The following NOP58 variants were observed in gnomAD, a reference collection of about 807,000 sequenced individuals.
NOP58 encodes nucleolar protein 58.
In NOP58, 44 loss-of-function variants were observed where a neutral mutation model predicts 71.2. The observed-to-expected ratio is 0.62, with a 90% CI of 0.49 to 0.79. The LOEUF (loss-of-function observed/expected upper bound fraction) is 0.79. Among genes scored for constraint, NOP58 ranks in the 30% least tolerant of loss-of-function variants. NOP58 has a pLI of 0.00. For missense variants in NOP58, 538 were observed against 620.2 expected, an observed-to-expected ratio of 0.87 and a Z score of 1.41; for synonymous variants, 228 against 200.3, an observed-to-expected ratio of 1.14 and a Z score of -1.17.
chr2:202,279,701 G>A (rs1455533686), intron 3 of NOP58, among the ~76,000 whole-genome samples: 1 of 152,146 alleles, frequency 6.6e-6, no homozygotes, highest in Non-Finnish European at 1.5e-5. Context: ...GGCTGAGGCA[G>A]GAGAAACACT....
intron 2 of NOP58, among the ~76,000 whole-genome samples, chr2:202,276,100 A>T (rs1233884446): frequency 6.6e-6 from 1 of 152,122 alleles, no homozygotes; most frequent in African/African-American, 2.4e-5. Flanking sequence ...GTACTTTGGG[A>T]TACCAAGGTG....
intron 1 of NOP58, among the ~76,000 whole-genome samples, chr2:202,269,240 C>T (rs960124463): frequency 6.7e-6 from 1 of 150,288 alleles, no homozygotes; most frequent in Admixed American, 6.6e-5. Flanking sequence ...GGTGTGATCT[C>T]GGCTCACTGC....
At chr2:202,268,378 T>C (rs1256613050) in intron 1 of NOP58, among the ~76,000 whole-genome samples, 1 of 151,342 alleles carries the variant, frequency 6.6e-6, no homozygotes, top group Non-Finnish European at 1.5e-5. Context: ...ACTAAAAAAA[T>C]AGAAAAATTA....
chr2:202,277,550 A>G (rs1574378732), intron 2 of NOP58, among the ~76,000 whole-genome samples: 1 of 151,966 alleles, frequency 6.6e-6, no homozygotes, highest in African/African-American at 2.4e-5. Flanking sequence ...ATTTTTTTTA[A>G]TGGCATTTGT....
At chr2:202,297,302 C>T (rs1689010806) in intron 10 of NOP58, 77 bp from the exon 11 acceptor site, 1 of 1,326,106 alleles carries the variant, frequency 7.5e-7, no homozygotes, top group Non-Finnish European at 1.1e-6. Context: ...TTTTATAACT[C>T]CTGATTTTAA....
intron 6 of NOP58, among the ~76,000 whole-genome samples, chr2:202,289,128 GA>G (rs946540678): frequency 1.2e-3 from 171 of 144,750 alleles, no homozygotes; most frequent in African/African-American, 3.8e-3. Context: ...TCCAAAAAAA[GA>G]AAAAAAAAAG....
chr2:202,276,053 C>T (rs1181641303), intron 2 of NOP58, among the ~76,000 whole-genome samples: 1 of 152,094 alleles, frequency 6.6e-6, no homozygotes, highest in Non-Finnish European at 1.5e-5. Context: ...TAAGATGACA[C>T]TGTTGCCTGG....
Position 202,275,095 on chromosome 2 carries a change from T to A in NOP58, c.46-18T>A. The stretch of plus-strand genomic sequence containing the variant: ...ACCTGTACCATTTAAATAAAACTAT[T>A]TAAACATTTTATTACAGGTTCTAAA... On this transcript the variant is annotated intron_variant, in intron 1 of 14. Coordinates refer to ENST00000264279, the MANE Select transcript of NOP58 (RefSeq NM_015934.5). The A allele has an allele frequency of 7.7e-7, 1 of 1,295,454 alleles. No homozygotes were observed. Among genetic ancestry groups the A allele is most frequent in the Non-Finnish European group, 1.1e-6 (1 of 908,492 alleles). The allele number at this position is 1,295,454 out of a possible 1,614,324, so 80.2% of individuals were successfully genotyped here.
Position 202,297,875 on chromosome 2 carries a change from T to C in NOP58, c.1237T>C (p.Leu413=). The C allele has an allele frequency of 6.3e-7, 1 of 1,586,548 alleles. No individual in the cohort carries two copies. The highest frequency in any genetic ancestry group is 8.6e-7 in the Non-Finnish European group (1 of 1,167,456). The change falls in exon 12 of 15, where the codon TTA becomes CTA. Residue 413 remains leucine (L), a synonymous_variant. Transcript: ENST00000264279. ...IRKISGTGKA[L]AKTEKYEHKS... is the part of the protein sequence containing the mutation. ...AAAAATAAGTGGAACAGGAAAAGCA[T>C]TAGCAAAAACAGAAAAATATGAACA... is the stretch of plus-strand genomic sequence containing the variant.
At chr2:202,277,900 C>A in intron 2 of NOP58, 50 bp from the exon 3 acceptor site, 1 of 957,158 alleles carries the variant, frequency 1.0e-6, no homozygotes, top group South Asian at 1.4e-5. Flanking sequence ...GCTTTTGAAT[C>A]AACGCACTGC....
At chr2:202,276,271 C>T (rs1396184453) in intron 2 of NOP58, among the ~76,000 whole-genome samples, 5 of 149,484 alleles carry the variant, frequency 3.3e-5, no homozygotes, top group Non-Finnish European at 5.9e-5. Flanking sequence ...GCCTGGGAGG[C>T]GGAAGTTGCA....
chr2:202,291,162 G>A lies in NOP58; in HGVS notation c.672G>A (p.Glu224=). ...ACTATGCCTCTGCCAAGCTTTCTGA[G>A]TTGCTGCCAGAAGAAGTTGAAGCAG... ...RKNYASAKLS[E]LLPEEVEAEV... is the part of the protein sequence containing the mutation. The change falls in exon 8 of 15, where the codon GAG becomes GAA. Residue 224 remains glutamate, a synonymous_variant. Transcript: ENST00000264279. 1.9e-6 allele frequency: 3 copies of A among 1,612,940 alleles called. No individual in the cohort carries two copies. Among genetic ancestry groups the A allele is most frequent in the Non-Finnish European group, 2.5e-6 (3 of 1,179,682 alleles).
At chr2:202,275,372 A>T (rs1040420345) in intron 2 of NOP58, 183 bp downstream of exon 2, 2 of 510,488 alleles carry the variant, frequency 3.9e-6, no homozygotes, top group African/African-American at 2.0e-5. Context: ...GGCCATCTCA[A>T]TTAATTTGAA....
In NOP58 at chr2:202,277,957, C is replaced by T. The variant is rs988706680; in HGVS notation, c.130C>T (p.Leu44=). The change falls in exon 3 of 15, where the codon CTA becomes TTA. Residue 44 remains leucine, a synonymous_variant. Transcript: ENST00000264279. The part of the protein sequence containing the change: ...TPEKANKIVK[L]KHFEKFQDTA... ...TTTTTTTTTTAATTCTAGAGTAAAG[C>T]TAAAACATTTTGAGAAATTTCAGGA... 4 of 1,498,136 alleles carry T rather than the reference C, an allele frequency of 2.7e-6. No individual in the cohort carries two copies. The highest frequency in any genetic ancestry group is 3.7e-6 in the Non-Finnish European group (4 of 1,085,590). 92.8% of individuals were successfully genotyped at this position (1,498,136 alleles called of 1,614,324 possible).
intron 9 of NOP58, among the ~76,000 whole-genome samples, chr2:202,293,854 C>T (rs868143129): frequency 1.3e-5 from 2 of 151,334 alleles, no homozygotes; most frequent in Admixed American, 6.6e-5. Context: ...GGATTACAGG[C>T]GTGAGCCACT....
Position 202,282,389 on chromosome 2 carries a change from C to T in NOP58, c.214C>T (p.Leu72=), listed in dbSNP as rs1688719912. The T allele has an allele frequency of 1.2e-6, 2 of 1,612,984 alleles. No individual in the cohort carries two copies. Among genetic ancestry groups the T allele is most frequent in the Non-Finnish European group, 1.7e-6 (2 of 1,179,736 alleles). The change falls in exon 4 of 15, where the codon CTG becomes TTG. Residue 72 remains leucine (L), a synonymous_variant. Coordinates refer to ENST00000264279, the MANE Select transcript of NOP58 (RefSeq NM_015934.5). ...ALMEGKINKQ[L]KKVLKKIVKE... is the part of the protein sequence containing the mutation. The stretch of plus-strand genomic sequence containing the variant: ...GATGGAGGGCAAAATCAATAAGCAG[C>T]TGAAAAAAGTTCTGAAGAAAATAGT...
chr2:202,301,426 A>G (rs1307823841), intron 13 of NOP58, among the ~76,000 whole-genome samples: 1 of 151,640 alleles, frequency 6.6e-6, no homozygotes, highest in Non-Finnish European at 1.5e-5. Flanking sequence ...CTTGTGATCC[A>G]CCCACTCCGG....
At chr2:202,299,104 C>T (rs899093927) in intron 12 of NOP58, among the ~76,000 whole-genome samples, 1 of 151,758 alleles carries the variant, frequency 6.6e-6, no homozygotes, top group East Asian at 1.9e-4. Flanking sequence ...GGATTACAGG[C>T]ATACACCACC....
At chr2:202,299,200 C>T (rs907653204) in intron 12 of NOP58, among the ~76,000 whole-genome samples, 3 of 152,138 alleles carry the variant, frequency 2.0e-5, no homozygotes, top group Non-Finnish European at 4.4e-5. Flanking sequence ...CCTCGTGATC[C>T]GCCCGCCTTG....
Sources: allele counts gnomAD v4.1 joint callset (sites outside exome capture counted in the v4.1 genomes callset), GRCh38; gene constraint gnomAD v4.1.1; transcripts MANE v1.5; gene names NCBI Gene and HGNC (gene_info 2026-07-23, HGNC 2026-07-21).